Variants in PLCB1 observed in about 807,000 individuals in gnomAD.
The protein encoded by PLCB1 is phospholipase C beta 1.
Under a neutral mutation model 161.8 loss-of-function variants are expected in PLCB1, and 46 were observed. The ratio of observed to expected loss-of-function variants is 0.28; its 90% CI spans 0.22 to 0.36. The LOEUF (loss-of-function observed/expected upper bound fraction) is 0.36. Among genes scored for constraint, PLCB1 ranks in the 10% least tolerant of loss-of-function variants. The pLI, the probability that PLCB1 is intolerant of heterozygous loss-of-function variation, is 1.00. For synonymous variants in PLCB1, 517 were observed against 503.7 expected, an observed-to-expected ratio of 1.03 and a Z score of -0.35; for missense variants, 1,016 against 1,472.5, an observed-to-expected ratio of 0.69 and a Z score of 5.07.
intron 2 of PLCB1, among the ~76,000 whole-genome samples, chr20:8,321,968 A>T (rs1474463619): frequency 1.3e-5 from 2 of 152,142 alleles, no homozygotes; most frequent in African/African-American, 4.8e-5. Flanking sequence ...AGTATCAAGG[A>T]ATTAAAGCTT....
intron 31 of PLCB1, among the ~76,000 whole-genome samples, chr20:8,840,687 C>T (rs6140744): frequency 0.32 from 48,748 of 152,114 alleles, 8,810 homozygotes; most frequent in East Asian, 0.63. Context: ...GAACCCTCCA[C>T]TGATTTCATT....
chr20:8,164,552 C>T (rs2051657272), intron 2 of PLCB1, among the ~76,000 whole-genome samples: 1 of 152,200 alleles, frequency 6.6e-6, no homozygotes. Context: ...TGTTATTGGA[C>T]ATCACTGCAC....
chr20:8,802,192 G>A lies in PLCB1; in HGVS notation c.3423+11931G>A, dbSNP rs776070259. On this transcript the variant is annotated intron_variant, in intron 31 of 31. Transcript: ENST00000338037. ...CGGCCAGGTAGGACTGGATGGGAGGGGTCGCTTTTGAGAGAAGGGTGGTGT... is the reference window on the plus strand; with the variant it reads ...CGGCCAGGTAGGACTGGATGGGAGGAGTCGCTTTTGAGAGAAGGGTGGTGT... 7 of 1,382,064 alleles carry A rather than the reference G, an allele frequency of 5.1e-6. No individual in the cohort carries two copies. The Admixed American group carries it at 1.2e-4, about 24-fold the overall frequency. 85.6% of individuals were successfully genotyped at this position (1,382,064 alleles called of 1,614,324 possible). A position where few individuals can be genotyped will look rare whatever the true frequency, so the allele number is the denominator to read the frequency against.
intron 10 of PLCB1, among the ~76,000 whole-genome samples, chr20:8,696,894 C>T (rs1012512109): frequency 1.2e-4 from 18 of 152,006 alleles, no homozygotes; most frequent in Admixed American, 8.5e-4. Flanking sequence ...CCACCACACC[C>T]GGCTAATTTT....
intron 3 of PLCB1, among the ~76,000 whole-genome samples, chr20:8,607,555 C>A (rs1353496952): frequency 1.3e-5 from 2 of 152,166 alleles, no homozygotes; most frequent in African/African-American, 4.8e-5. Flanking sequence ...GGTATCAGCA[C>A]CTCCTGGAAC....
At chr20:8,499,668 A>T (rs902173096) in intron 3 of PLCB1, among the ~76,000 whole-genome samples, 1 of 152,236 alleles carries the variant, frequency 6.6e-6, no homozygotes, top group African/African-American at 2.4e-5. Context: ...CTCAAAGGAT[A>T]TACTCAACTC....
chr20:8,640,954 A>G (rs1319829658), intron 4 of PLCB1, among the ~76,000 whole-genome samples: 1 of 152,204 alleles, frequency 6.6e-6, no homozygotes, highest in African/African-American at 2.4e-5. Context: ...AGGAATGTCA[A>G]GAAGACTGGG....
At chr20:8,571,437 A>G (rs1054246092) in intron 3 of PLCB1, among the ~76,000 whole-genome samples, 2 of 152,170 alleles carry the variant, frequency 1.3e-5, no homozygotes, top group African/African-American at 4.8e-5. Flanking sequence ...AGCTGAGATC[A>G]TGCCACTGCA....
At chr20:8,557,979 CAACTCTTA>C (rs1986017137) in intron 3 of PLCB1, among the ~76,000 whole-genome samples, 2 of 151,778 alleles carry the variant, frequency 1.3e-5, no homozygotes, top group Admixed American at 1.3e-4. Context: ...GACTTTAAAT[CAACTCTTA>C]CAAAACGGGT....
intron 3 of PLCB1, among the ~76,000 whole-genome samples, chr20:8,537,734 A>T (rs1985110768): frequency 1.3e-5 from 2 of 152,182 alleles, no homozygotes; most frequent in South Asian, 4.1e-4. Flanking sequence ...GCCTCCTAAA[A>T]TTCTCCAATA....
At position 8,567,394 on chromosome 20, in the gene PLCB1, T is replaced by C. The variant is rs951795320; in HGVS notation, c.247-60900T>C. 2.6e-5 allele frequency among the ~76,000 whole-genome samples: 4 copies of C among 152,238 alleles called. No individual in the cohort carries two copies. In the East Asian group the frequency reaches 7.7e-4, roughly 29 times the overall value. ...CACTAACAGTTTTTAGCCTAAATTA[T>C]CCGGATACCCAAGTCTTCACTTCAT... is the stretch of plus-strand genomic sequence containing the variant. On this transcript the variant is annotated intron_variant, in intron 3 of 31. Transcript: ENST00000338037.
chr20:8,184,665 C>T (rs2051881208), intron 2 of PLCB1, among the ~76,000 whole-genome samples: 2 of 151,580 alleles, frequency 1.3e-5, no homozygotes, highest in South Asian at 4.1e-4. Flanking sequence ...TCTTCAGTTG[C>T]ATAAGAAAAC....
At chr20:8,316,684 A>T (rs1295781408) in intron 2 of PLCB1, among the ~76,000 whole-genome samples, 1 of 152,170 alleles carries the variant, frequency 6.6e-6, no homozygotes, top group Non-Finnish European at 1.5e-5. Flanking sequence ...TTTTCCAAGG[A>T]ATCAGTGATA....
In PLCB1 at chr20:8,487,892, A is replaced by G. The variant is rs1982796252; in HGVS notation, c.246+116442A>G. Among the ~76,000 whole-genome samples the G allele has an allele frequency of 2.0e-5, 3 of 152,226 alleles. No homozygotes were observed. In the South Asian group the frequency reaches 6.2e-4, roughly 32 times the overall value. On this transcript the variant is annotated intron_variant, in intron 3 of 31. Coordinates refer to ENST00000338037, the MANE Select transcript of PLCB1 (RefSeq NM_015192.4). The stretch of plus-strand genomic sequence containing the variant: ...TGAGATGCCGAGTACATTATGTTGC[A>G]TTCCTCCCAGGGGTGGCACACAGGC...
intron 3 of PLCB1, among the ~76,000 whole-genome samples, chr20:8,491,813 G>A (rs187626804): frequency 6.6e-6 from 1 of 152,226 alleles, no homozygotes; most frequent in East Asian, 1.9e-4. Flanking sequence ...AAGACAATAA[G>A]TTGGGTTACG....
chr20:8,466,317 A>T (rs1487831426), intron 3 of PLCB1, among the ~76,000 whole-genome samples: 1 of 114,504 alleles, frequency 8.7e-6, no homozygotes, highest in African/African-American at 3.3e-5. Context: ...CACTCTGGGG[A>T]CTGTTGTGGG....
intron 10 of PLCB1, among the ~76,000 whole-genome samples, chr20:8,688,332 T>G (rs1314801169): frequency 4.6e-5 from 7 of 152,234 alleles, no homozygotes; most frequent in African/African-American, 1.7e-4. Flanking sequence ...CAAAAGCTCT[T>G]TAGTTTAATT....
intron 9 of PLCB1, among the ~76,000 whole-genome samples, chr20:8,681,410 A>G (rs1377091696): frequency 3.9e-5 from 6 of 151,990 alleles, no homozygotes; most frequent in Non-Finnish European, 8.8e-5. Context: ...GTTAAAATCC[A>G]TTTGTCATTT....
chr20:8,503,761 T>C (rs946319545), intron 3 of PLCB1, among the ~76,000 whole-genome samples: 47 of 152,310 alleles, frequency 3.1e-4, no homozygotes, highest in Middle Eastern at 6.8e-3. Context: ...ATTGTATACA[T>C]TGATTTGATC....
Sources: gnomAD v4.1 joint callset for allele counts (sites outside exome capture counted in the v4.1 genomes callset) on GRCh38, gnomAD v4.1.1 for gene constraint, MANE v1.5 for transcripts, NCBI Gene and HGNC (gene_info 2026-07-23, HGNC 2026-07-21) for gene names.